Variants in C3orf52 observed in about 807,000 individuals in gnomAD.
C3orf52 encodes the protein TPA-induced transmembrane protein.
A neutral mutation model predicts 24.8 loss-of-function variants in C3orf52; 22 were observed. The observed-to-expected ratio is 0.89, with a 90% CI of 0.63 to 1.27. The LOEUF (loss-of-function observed/expected upper bound fraction) is 1.27, where lower values mean the gene tolerates loss of function less well. Among genes scored for constraint, C3orf52 ranks in the 50% most tolerant of loss-of-function variants. The pLI is 0.00. For synonymous variants in C3orf52, 93 were observed against 100.2 expected (o/e 0.93, Z 0.43); for missense variants, 265 against 260.7 (o/e 1.02, Z -0.11).
chr3:112,096,151 T>C (rs1410981150), intron 2 of C3orf52, among the ~76,000 whole-genome samples: 2 of 152,172 alleles, frequency 1.3e-5, no homozygotes, highest in Non-Finnish European at 2.9e-5. Context: ...AGACTGAAGC[T>C]TGGAGGCGGA....
At position 112,102,744 on chromosome 3, in the gene C3orf52, G is replaced by A. The variant is rs1180879426; in HGVS notation, c.269-94G>A. 9 of 1,164,744 alleles carry A rather than the reference G, an allele frequency of 7.7e-6. No individual in the cohort carries two copies. In the East Asian group the frequency reaches 2.4e-4, roughly 31 times the overall value. The allele number at this position is 1,164,744 out of a possible 1,614,324, so 72.2% of individuals were successfully genotyped here. ...CTTTACCCTTGATGCTCATAGTTAT[G>A]TTTAAGTATGGCAGTCAATGGAATA... On this transcript the variant is annotated intron_variant, in intron 2 of 5. Transcript: ENST00000264848.
At chr3:112,098,001 G>A (rs1243460851) in intron 2 of C3orf52, among the ~76,000 whole-genome samples, 1 of 152,192 alleles carries the variant, frequency 6.6e-6, no homozygotes, top group Non-Finnish European at 1.5e-5. Flanking sequence ...TCAACCTCAG[G>A]TATAAATGGG....
chr3:112,095,465 A>G (rs1350496249), intron 2 of C3orf52, among the ~76,000 whole-genome samples: 1 of 152,192 alleles, frequency 6.6e-6, no homozygotes, highest in Non-Finnish European at 1.5e-5. Context: ...CGCAAGACCC[A>G]GGATCTGTCT....
At chr3:112,122,652 A>G (rs1056800879), downstream of C3orf52, 1 of 152,162 alleles carries the variant, frequency 6.6e-6, no homozygotes, top group Admixed American at 6.5e-5. Flanking sequence ...GGGGAGCACT[A>G]AATTGGAAGT....
chr3:112,130,908 G>C (rs1234260657), downstream of C3orf52: 2 of 202,968 alleles, frequency 9.9e-6, no homozygotes, highest in Non-Finnish European at 2.1e-5. Context: ...TACTGGCTTT[G>C]TCTTGTGTAA....
At chr3:112,130,082 A>G (rs754548453), downstream of C3orf52, 4 of 210,378 alleles carry the variant, frequency 1.9e-5, no homozygotes, top group Non-Finnish European at 3.9e-5. Flanking sequence ...CACTTCAGAA[A>G]TAGACACCTA....
intron 4 of C3orf52, among the ~76,000 whole-genome samples, chr3:112,126,070 A>G (rs752340577): frequency 5.9e-5 from 9 of 152,162 alleles, no homozygotes; most frequent in African/African-American, 9.7e-5. Context: ...TCCTATAGGC[A>G]TCTAAAACTT....
downstream of C3orf52, chr3:112,130,321 T>C (rs1276543976): frequency 3.9e-6 from 3 of 777,708 alleles, no homozygotes; most frequent in East Asian, 2.5e-5. Context: ...TCACATTTGT[T>C]ACTATTGCAA....
chr3:112,101,841 G>A (rs78152830), intron 2 of C3orf52, among the ~76,000 whole-genome samples: 2 of 152,182 alleles, frequency 1.3e-5, no homozygotes, highest in African/African-American at 4.8e-5. Flanking sequence ...GTAGTCTCCT[G>A]TGTGGGACCA....
rs554770931 is a variant in C3orf52, at chr3:112,089,324, G to A, written c.138+2779G>A. ...GTGGATCATCTGAGGTTGGGAGTTCGAGACCAGCCTGACCAACATGGAGAA... is the reference window on the plus strand; with the variant it reads ...GTGGATCATCTGAGGTTGGGAGTTCAAGACCAGCCTGACCAACATGGAGAA... On this transcript the variant is annotated intron_variant, in intron 1 of 5. Coordinates refer to ENST00000264848, the MANE Select transcript of C3orf52 (RefSeq NM_024616.3). Among the ~76,000 whole-genome samples the A allele has an allele frequency of 1.6e-3, 241 of 152,114 alleles. 1 individual carries two copies. Among genetic ancestry groups the A allele is most frequent in the South Asian group, 7.7e-3 (37 of 4,804 alleles).
chr3:112,098,104 C>G (rs746656525), intron 2 of C3orf52, among the ~76,000 whole-genome samples: 3 of 152,200 alleles, frequency 2.0e-5, no homozygotes, highest in African/African-American at 7.2e-5. Context: ...TTTTTCTCTC[C>G]CTTCTTTCAC....
chr3:112,093,351 C>T lies in C3orf52; in HGVS notation c.139-9C>T. On this transcript the variant is annotated splice_polypyrimidine_tract_variant and intron_variant, in intron 1 of 5. Coordinates refer to ENST00000264848, the MANE Select transcript of C3orf52 (RefSeq NM_024616.3). ...ATGACTGCCTCACAATCTCCCTCTGCCTTTCTAGGCTAACAAGGAAAGCCC... is the reference window on the plus strand; with the variant it reads ...ATGACTGCCTCACAATCTCCCTCTGTCTTTCTAGGCTAACAAGGAAAGCCC... The T allele has an allele frequency of 6.2e-7, 1 of 1,613,426 alleles. No individual in the cohort carries two copies. The highest frequency in any genetic ancestry group is 8.5e-7 in the Non-Finnish European group (1 of 1,179,564).
intron 3 of C3orf52, among the ~76,000 whole-genome samples, chr3:112,107,965 G>A (rs1333302636): frequency 6.6e-6 from 1 of 152,180 alleles, no homozygotes; most frequent in Admixed American, 6.5e-5. Context: ...TTGTATGTTC[G>A]ACTGCTTGTT....
intron 1 of C3orf52, among the ~76,000 whole-genome samples, chr3:112,090,630 A>G (rs934377849): frequency 6.6e-6 from 1 of 152,154 alleles, no homozygotes; most frequent in African/African-American, 2.4e-5. Context: ...TGACGGCTGT[A>G]AAATTTTAAG....
downstream of C3orf52, among the ~76,000 whole-genome samples, chr3:112,120,644 A>G (rs2074179002): frequency 6.6e-6 from 1 of 152,124 alleles, no homozygotes. Flanking sequence ...GAGTAATTTA[A>G]ATGCTCAGGC....
chr3:112,090,287 C>CTTTT (rs386397627), intron 1 of C3orf52, among the ~76,000 whole-genome samples: 11 of 109,042 alleles, frequency 1.0e-4, no homozygotes, highest in East Asian at 2.7e-4. Flanking sequence ...GTTTCATGTG[C>CTTTT]TTTTTTTTTT....
chr3:112,123,349 T>C, intron 4 of C3orf52: 1 of 1,524,364 alleles, frequency 6.6e-7, no homozygotes, highest in African/African-American at 1.4e-5. Context: ...AGGGTTGTTG[T>C]GGGAGATAAG....
At chr3:112,134,302 TA>T, downstream of C3orf52, 1 of 152,310 alleles carries the variant, frequency 6.6e-6, no homozygotes, top group Non-Finnish European at 1.5e-5. Flanking sequence ...GGGCAGGGTG[TA>T]AAAGGCTGCC....
intron 3 of C3orf52, among the ~76,000 whole-genome samples, chr3:112,107,629 A>G (rs1206863123): frequency 1.3e-5 from 2 of 152,212 alleles, no homozygotes; most frequent in African/African-American, 4.8e-5. Flanking sequence ...CATAACATGT[A>G]GGATTGAATT....
Sources: allele counts gnomAD v4.1 joint callset (sites outside exome capture counted in the v4.1 genomes callset), GRCh38; gene constraint gnomAD v4.1.1; transcripts MANE v1.5; gene names NCBI Gene and HGNC (gene_info 2026-07-23, HGNC 2026-07-21).